MYO7A: variants seen among roughly 807,000 people sequenced by gnomAD.
The protein encoded by MYO7A is unconventional myosin-VIIa.
MYO7A carries 210 observed loss-of-function variants against 263.8 expected under a neutral mutation model. The ratio of observed to expected loss-of-function variants is 0.80; its 90% confidence interval spans 0.71 to 0.89. The LOEUF is 0.89. Ranked by LOEUF, MYO7A falls within the 40% of genes least tolerant of loss-of-function variation. The pLI, the probability that MYO7A is intolerant of heterozygous loss-of-function variation, is 0.00. For synonymous variants in MYO7A, 1,239 were observed against 1,197.3 expected (o/e 1.03, Z -0.72); for missense variants, 2,820 against 2,968.3 (o/e 0.95, Z 1.16).
Position 77,130,638 on chromosome 11 carries a change from G to A in MYO7A, c.4G>A (p.Val2Met). 1 of 1,613,350 alleles carries A rather than the reference G, an allele frequency of 6.2e-7. No homozygotes were observed. The highest frequency in any genetic ancestry group is 8.5e-7 in the Non-Finnish European group (1 of 1,179,700). The change falls in exon 2 of 49, where the codon GTG becomes ATG. Residue 2 changes from valine to methionine, a missense_variant. Physicochemically the swap from Val to Met is conservative, Grantham distance 21 (BLOSUM62 1). Transcript: ENST00000409709. M[V>M]ILQQGDHVWM... ...CAGGAGCTCCTGACTTGGGACCATGGTGATTCTTCAGCAGGTCAGTGTTCC... is the reference window on the plus strand; with the variant it reads ...CAGGAGCTCCTGACTTGGGACCATGATGATTCTTCAGCAGGTCAGTGTTCC...
At position 77,214,747 on chromosome 11, in the gene MYO7A, G is replaced by A. The variant is rs756261169; in HGVS notation, c.*51G>A. On this transcript the variant is annotated 3_prime_UTR_variant, in exon 49 of 49. Transcript: ENST00000409709. Reference sequence around the variant, plus strand: ...ATGCCTGCTCTCGAGGCAGCAGTGGGTTCAGGCCCATCAGCTACCCCTGCA... The same window carrying A: ...ATGCCTGCTCTCGAGGCAGCAGTGGATTCAGGCCCATCAGCTACCCCTGCA... 1 of 1,418,038 alleles carries A rather than the reference G, an allele frequency of 7.1e-7. No homozygotes were observed. Among genetic ancestry groups the A allele is most frequent in the African/African-American group, 1.4e-5 (1 of 70,240 alleles). 87.8% of individuals were successfully genotyped at this position (1,418,038 alleles called of 1,614,324 possible).
chr11:77,199,662 A>G lies in MYO7A; in HGVS notation c.4696A>G (p.Thr1566Ala). The G allele has an allele frequency of 6.2e-7, 1 of 1,612,978 alleles. No homozygotes were observed. Among genetic ancestry groups the G allele is most frequent in the South Asian group, 1.1e-5 (1 of 90,902 alleles). Residue 1566 changes from threonine to alanine, a missense_variant, in exon 35 of 49, where the codon ACG (threonine) becomes GCG (alanine). Coordinates refer to ENST00000409709, the MANE Select transcript of MYO7A (RefSeq NM_000260.4). ...PCWSCRGAKT[T>A]APSFTLATIK... is the part of the protein sequence containing the mutation. ...TTGGTCCTGCAGGGGAGCGAAAACG[A>G]CGGCCCCCAGCTTCACGCTGGCCAC...
chr11:77,143,613 G>A (rs1951361400), intron 3 of MYO7A, among the ~76,000 whole-genome samples: 1 of 152,226 alleles, frequency 6.6e-6, no homozygotes, highest in Admixed American at 6.5e-5. Flanking sequence ...GCACATGTGT[G>A]TGTCACTGGG....
chr11:77,205,844 TGGGCACAGACAC>T (rs1957413509), intron 40 of MYO7A, among the ~76,000 whole-genome samples: 1 of 151,938 alleles, frequency 6.6e-6, no homozygotes, highest in South Asian at 2.1e-4. Flanking sequence ...GGCTATCGGG[TGGGCACAGACAC>T]CTGGGCCCAC....
chr11:77,159,403 G>GGCCACC, intron 9 of MYO7A, 44 bp from the exon 10 acceptor site: 1 of 711,718 alleles, frequency 1.4e-6, no homozygotes, highest in Non-Finnish European at 2.5e-6. Context: ...TGCCCCTGTT[G>GGCCACC]CCCACCCTCC....
chr11:77,180,879 A>G (rs1955122119), intron 22 of MYO7A, among the ~76,000 whole-genome samples: 1 of 152,218 alleles, frequency 6.6e-6, no homozygotes, highest in Non-Finnish European at 1.5e-5. Flanking sequence ...GAAATACTAG[A>G]TTTTGAAGAT....
At chr11:77,188,859 C>G (rs999372848) in intron 27 of MYO7A, among the ~76,000 whole-genome samples, 2 of 152,222 alleles carry the variant, frequency 1.3e-5, no homozygotes, top group East Asian at 3.8e-4. Context: ...CTCATTCCAT[C>G]CCCCAGTGAC....
rs762622922 is a variant in MYO7A, at chr11:77,190,918, C to T, written c.3924+48C>T. 58 of 1,497,250 alleles carry T rather than the reference C, an allele frequency of 3.9e-5. No individual in the cohort carries two copies. In the South Asian group the frequency reaches 5.5e-4, roughly 14 times the overall value. 92.7% of individuals were successfully genotyped at this position (1,497,250 alleles called of 1,614,324 possible). A position where few individuals can be genotyped will look rare whatever the true frequency, so the allele number is the denominator to read the frequency against. On this transcript the variant is annotated intron_variant, in intron 30 of 48. Coordinates refer to ENST00000409709, the MANE Select transcript of MYO7A (RefSeq NM_000260.4). ...CCTCCCGGAAGCACCTCCTCCCGGC[C>T]CCACTCCGGGCTGCCAGTGCTGCCA...
intron 8 of MYO7A, among the ~76,000 whole-genome samples, chr11:77,157,863 C>T (rs540964954): frequency 7.2e-4 from 109 of 152,318 alleles, no homozygotes; most frequent in African/African-American, 2.6e-3. Flanking sequence ...AAACCCTGCT[C>T]GTATGCAGTT....
chr11:77,149,891 C>T (rs1429233403), intron 4 of MYO7A, among the ~76,000 whole-genome samples: 3 of 152,024 alleles, frequency 2.0e-5, no homozygotes, highest in East Asian at 1.9e-4. Flanking sequence ...AGCTAGAACT[C>T]GAGCCCAGGG....
intron 36 of MYO7A, 63 bp from the exon 37 acceptor site, chr11:77,202,237 C>T: frequency 6.6e-7 from 1 of 1,515,336 alleles, no homozygotes. Context: ...CAGGGTATAC[C>T]ATGTTGATCC....
rs117307532 is a variant in MYO7A at position 77,195,314 on chromosome 11, C to T, written c.4323+790C>T. Among the ~76,000 whole-genome samples the T allele has an allele frequency of 2.6e-4, 39 of 152,220 alleles. No homozygotes were observed. In the East Asian group the frequency reaches 7.6e-3, roughly 30 times the overall value. On this transcript the variant is annotated intron_variant, in intron 32 of 48. Coordinates refer to ENST00000409709, the MANE Select transcript of MYO7A (RefSeq NM_000260.4). Reference sequence around the variant, plus strand: ...GCTTCCCCCGAGGCCCGAACCCCCCCGAACCCCACTTCAGAGGAGGAGCGT... The same window carrying T: ...GCTTCCCCCGAGGCCCGAACCCCCCTGAACCCCACTTCAGAGGAGGAGCGT...
In MYO7A at chr11:77,199,605, G is replaced by T; in HGVS notation, c.4639G>T (p.Gly1547Ter). The part of the protein sequence containing the change: ...GCAAPHSGWA[G>*]LTPAGPCSPC... ...TGCTGCGCCTCACTCAGGCTGGGCA[G>T]GACTGACCCCGGCGGGGCCCTGTTC... is the stretch of plus-strand genomic sequence containing the variant. The change falls in exon 35 of 49, where the codon GGA becomes TGA. Residue 1547 changes from glycine (G) to a stop codon, truncating the protein, a stop_gained. Coordinates refer to ENST00000409709, the MANE Select transcript of MYO7A (RefSeq NM_000260.4). LOFTEE classifies it high-confidence loss of function. The T allele has an allele frequency of 6.3e-7, 1 of 1,598,304 alleles. No individual in the cohort carries two copies. Among genetic ancestry groups the T allele is most frequent in the Non-Finnish European group, 8.5e-7 (1 of 1,173,002 alleles).
chr11:77,156,734 A>G lies in MYO7A; in HGVS notation c.545A>G (p.His182Arg), dbSNP rs1952499782. 2.5e-6 allele frequency: 4 copies of G among 1,613,874 alleles called. No individual in the cohort carries two copies. Among genetic ancestry groups the G allele is most frequent in the Non-Finnish European group, 3.4e-6 (4 of 1,179,872 alleles). The change falls in exon 6 of 49, where the codon CAC (histidine) becomes CGC (arginine). Residue 182 changes from histidine (H) to arginine (R), a missense_variant. His to Arg is a conservative substitution (Grantham distance 29, BLOSUM62 0). Coordinates refer to ENST00000409709, the MANE Select transcript of MYO7A (RefSeq NM_000260.4). ...TTCCTGGCAGCCATCAGTGGGCAGCACTCGTGGATTGAGCAGCAGGTCTTG... is the reference window on the plus strand; with the variant it reads ...TTCCTGGCAGCCATCAGTGGGCAGCGCTCGTGGATTGAGCAGCAGGTCTTG... ...LQFLAAISGQ[H>R]SWIEQQVLEA...
intron 16 of MYO7A, 28 bp downstream of exon 16, chr11:77,172,913 G>A: frequency 6.5e-7 from 1 of 1,537,348 alleles, no homozygotes; most frequent in Non-Finnish European, 8.8e-7. Flanking sequence ...GGGGTTGGCG[G>A]GTGGCGGCTA....
chr11:77,204,134 C>T lies in MYO7A; in HGVS notation c.5385C>T (p.Leu1795=). The T allele has an allele frequency of 6.3e-7, 1 of 1,599,264 alleles. No homozygotes were observed. Among genetic ancestry groups the T allele is most frequent in the Middle Eastern group, 1.7e-4 (1 of 6,048 alleles). The change falls in exon 39 of 49, where the codon CTC becomes CTT. Residue 1795 remains leucine, a synonymous_variant. Coordinates refer to ENST00000409709, the MANE Select transcript of MYO7A (RefSeq NM_000260.4). ...PSKRTRSVNE[L]TDQIFEGPLK... ...AGAGGACACGCTCCGTCAACGAGCT[C>T]ACCGACCAGATCTTTGAGGGTCCCC... is the stretch of plus-strand genomic sequence containing the variant.
chr11:77,193,278 A>T (rs1371899138), intron 31 of MYO7A, among the ~76,000 whole-genome samples: 4 of 149,324 alleles, frequency 2.7e-5, no homozygotes, highest in African/African-American at 9.8e-5. Context: ...GTGATGGTGG[A>T]GGTAGTGATG....
At chr11:77,142,426 G>C in intron 2 of MYO7A, 1 of 296,876 alleles carries the variant, frequency 3.4e-6, no homozygotes, top group Non-Finnish European at 6.9e-6. Flanking sequence ...TCCATGGGGA[G>C]AGCTGGGCTT....
chr11:77,170,765 G>C (rs896262018), intron 15 of MYO7A, among the ~76,000 whole-genome samples: 33 of 152,184 alleles, frequency 2.2e-4, no homozygotes, highest in African/African-American at 7.7e-4. Context: ...CGAGTTGGGG[G>C]GTTGCTGCAG....
Sources: allele counts gnomAD v4.1 joint callset (sites outside exome capture counted in the v4.1 genomes callset), GRCh38; gene constraint gnomAD v4.1.1; transcripts MANE v1.5; gene names NCBI Gene and HGNC (gene_info 2026-07-23, HGNC 2026-07-21).